CDH9: variants seen among roughly 807,000 people sequenced by gnomAD.
The protein encoded by CDH9 is cadherin-9.
CDH9 carries 28 observed loss-of-function variants against 70.9 expected under a neutral mutation model. The ratio of observed to expected loss-of-function variants is 0.40; its 90% CI spans 0.29 to 0.54. The LOEUF is 0.54. Ranked by LOEUF, CDH9 falls within the 20% of genes least tolerant of loss-of-function variation. The probability of loss-of-function intolerance (pLI) is 0.59; values close to 1 mark genes in which losing one functional copy is unlikely to be tolerated. For missense variants in CDH9, 874 were observed against 984.4 expected (o/e 0.89, Z 1.50); for synonymous variants, 409 against 343.1 (o/e 1.19, Z -2.12).
intron 1 of CDH9, among the ~76,000 whole-genome samples, chr5:26,999,690 A>G (rs1212851097): frequency 2.0e-5 from 3 of 152,200 alleles, no homozygotes; most frequent in African/African-American, 7.2e-5. Context: ...AAAAAATTGA[A>G]AATAAATATA....
At chr5:26,993,295 A>T (rs1479889048) in intron 1 of CDH9, among the ~76,000 whole-genome samples, 1 of 152,194 alleles carries the variant, frequency 6.6e-6, no homozygotes, top group Non-Finnish European at 1.5e-5. Flanking sequence ...AGTGTTTTAC[A>T]GAATGTAGAA....
At chr5:26,931,160 G>A (rs1407208507) in intron 2 of CDH9, among the ~76,000 whole-genome samples, 1 of 152,100 alleles carries the variant, frequency 6.6e-6, no homozygotes, top group Non-Finnish European at 1.5e-5. Flanking sequence ...ACATGACAAG[G>A]TATACATTCC....
intron 2 of CDH9, among the ~76,000 whole-genome samples, chr5:26,982,986 A>G (rs1742426370): frequency 6.6e-6 from 1 of 152,078 alleles, no homozygotes. Flanking sequence ...CGCCTGGTCT[A>G]TGAATAAGAT....
intron 1 of CDH9, among the ~76,000 whole-genome samples, chr5:27,013,585 G>T (rs773426494): frequency 6.6e-6 from 1 of 151,870 alleles, no homozygotes; most frequent in Non-Finnish European, 1.5e-5. Context: ...ATCGTGCCAT[G>T]GGCTTTTTCC....
intron 7 of CDH9, among the ~76,000 whole-genome samples, chr5:26,896,662 T>C (rs1740757120): frequency 1.3e-5 from 2 of 151,942 alleles, no homozygotes; most frequent in South Asian, 2.1e-4. Context: ...GGGACACAGC[T>C]AAAGCAGTGT....
chr5:27,020,866 G>A (rs1743127150), intron 1 of CDH9, among the ~76,000 whole-genome samples: 1 of 151,318 alleles, frequency 6.6e-6, no homozygotes, highest in African/African-American at 2.4e-5. Flanking sequence ...TATTTTATCT[G>A]GATAAATAGT....
chr5:26,909,580 C>T (rs1266160838), intron 3 of CDH9, among the ~76,000 whole-genome samples: 1 of 147,092 alleles, frequency 6.8e-6, no homozygotes, highest in African/African-American at 2.5e-5. Flanking sequence ...TACATGTGCA[C>T]ATTGTGCAGG....
rs140692916 is a variant in CDH9 at position 26,939,177 on chromosome 5, T to G, written c.229-23253A>C. ...ACTTTCTTAAATCAAGTCTAATGATTATTTTTAAACTTAATCTATTATAAA... is the reference window on the plus strand; with the variant it reads ...ACTTTCTTAAATCAAGTCTAATGATGATTTTTAAACTTAATCTATTATAAA... On this transcript the variant is annotated intron_variant, in intron 2 of 11. Coordinates refer to ENST00000231021, the MANE Select transcript of CDH9 (RefSeq NM_016279.4). 7.0e-3 allele frequency among the ~76,000 whole-genome samples: 1,058 copies of G among 151,900 alleles called. 15 individuals are homozygous for G. The highest frequency in any genetic ancestry group is 0.024 in the African/African-American group (1,017 of 41,560).
intron 1 of CDH9, chr5:27,028,126 C>T: frequency 6.6e-6 from 1 of 152,048 alleles, no homozygotes; most frequent in Admixed American, 6.6e-5. Flanking sequence ...CGCCTGTAAT[C>T]CTAGCACTTT....
chr5:26,886,145 A>T (rs547186305), intron 9 of CDH9, 62 bp from the exon 10 acceptor site: 1 of 1,510,300 alleles, frequency 6.6e-7, no homozygotes, highest in East Asian at 2.3e-5. Context: ...TTATTACAAG[A>T]TATCTTAAAT....
intron 1 of CDH9, among the ~76,000 whole-genome samples, chr5:27,014,886 AT>A (rs1743020011): frequency 6.6e-6 from 1 of 151,878 alleles, no homozygotes; most frequent in Non-Finnish European, 1.5e-5. Flanking sequence ...AGTGTTTTAA[AT>A]AAAAATTAAT....
chr5:26,963,255 A>G (rs534672249), intron 2 of CDH9, among the ~76,000 whole-genome samples: 3 of 152,310 alleles, frequency 2.0e-5, no homozygotes, highest in South Asian at 4.1e-4. Context: ...CAGTAAAAAC[A>G]GTAAAATAAT....
At chr5:27,004,944 A>G (rs1003483389) in intron 1 of CDH9, among the ~76,000 whole-genome samples, 4 of 152,196 alleles carry the variant, frequency 2.6e-5, no homozygotes, top group Admixed American at 2.6e-4. Context: ...ATAAAAAACA[A>G]TAATGCAATT....
intron 2 of CDH9, among the ~76,000 whole-genome samples, chr5:26,916,403 A>G (rs1741150105): frequency 6.6e-6 from 1 of 151,968 alleles, no homozygotes; most frequent in Non-Finnish European, 1.5e-5. Flanking sequence ...AGTACAGAGT[A>G]TCCCCTTATC....
chr5:26,953,259 T>A lies in CDH9; in HGVS notation c.228+34847A>T, dbSNP rs568681803. On this transcript the variant is annotated intron_variant, in intron 2 of 11. Transcript: ENST00000231021. ...TTGATTTAATTATTATTTAGTGGAT[T>A]GAAAATGTAACTATTATTCTATTAA... Among the ~76,000 whole-genome samples, 3 of 152,332 alleles carry A rather than the reference T, an allele frequency of 2.0e-5. No homozygotes were observed. In the South Asian group the frequency reaches 6.2e-4, roughly 32 times the overall value.
intron 3 of CDH9, among the ~76,000 whole-genome samples, chr5:26,911,415 G>T (rs575980190): frequency 6.6e-6 from 1 of 152,050 alleles, no homozygotes; most frequent in African/African-American, 2.4e-5. Flanking sequence ...GAACCTCTGG[G>T]ACATGAAGAA....
intron 2 of CDH9, among the ~76,000 whole-genome samples, chr5:26,935,363 C>T (rs1741541302): frequency 6.6e-6 from 1 of 152,100 alleles, no homozygotes; most frequent in Non-Finnish European, 1.5e-5. Flanking sequence ...TCCTATTCAA[C>T]ATATTACTAG....
At chr5:26,894,395 C>A (rs1740711541) in intron 7 of CDH9, among the ~76,000 whole-genome samples, 1 of 151,978 alleles carries the variant, frequency 6.6e-6, no homozygotes, top group Admixed American at 6.6e-5. Context: ...TTTTCAGGAT[C>A]AAAATAGATT....
chr5:26,985,135 C>T (rs900335379), intron 2 of CDH9, among the ~76,000 whole-genome samples: 2 of 152,106 alleles, frequency 1.3e-5, no homozygotes, highest in Middle Eastern at 3.2e-3. Context: ...GAATTCTGGA[C>T]CTTTCACAGT....
Sources: allele counts gnomAD v4.1 joint callset (sites outside exome capture counted in the v4.1 genomes callset), GRCh38; gene constraint gnomAD v4.1.1; transcripts MANE v1.5; gene names NCBI Gene and HGNC (gene_info 2026-07-23, HGNC 2026-07-21).